AP2A2: variants seen among roughly 807,000 people sequenced by gnomAD.
AP2A2 encodes the protein adaptor related protein complex 2 subunit alpha 2.
A neutral mutation model predicts 104.2 loss-of-function variants in AP2A2; 32 were observed. The ratio of observed to expected loss-of-function variants is 0.31; its 90% CI spans 0.23 to 0.41. The LOEUF is 0.41. Among genes scored for constraint, AP2A2 ranks in the 10% least tolerant of loss-of-function variants. The pLI is 1.00. For synonymous variants in AP2A2, 539 were observed against 533.3 expected, an observed-to-expected ratio of 1.01 and a Z score of -0.15; for missense variants, 912 against 1,261.0, an observed-to-expected ratio of 0.72 and a Z score of 4.19.
At chr11:988,766 G>A (rs895683923) in intron 10 of AP2A2, 77 bp downstream of exon 10, 73 of 1,550,520 alleles carry the variant, frequency 4.7e-5, no homozygotes, top group Non-Finnish European at 6.1e-5. Context: ...CGTGCTCTGC[G>A]ATTCCGTCCA....
chr11:956,536 T>C (rs1854240231), intron 1 of AP2A2, among the ~76,000 whole-genome samples: 1 of 152,208 alleles, frequency 6.6e-6, no homozygotes, highest in African/African-American at 2.4e-5. Context: ...TGATGAATAA[T>C]TGTATTTTGA....
In AP2A2 at chr11:981,180, G is replaced by A. The variant is rs749655595; in HGVS notation, c.604-18G>A. ...TAGCTTCAAGTGTTCTGACTCTTGT[G>A]TGTGTGTTTTCTTTCAGGGTGTGGT... On this transcript the variant is annotated intron_variant, in intron 5 of 21. Coordinates refer to ENST00000448903, the MANE Select transcript of AP2A2 (RefSeq NM_012305.4). 34 of 1,597,462 alleles carry A rather than the reference G, an allele frequency of 2.1e-5. No homozygotes were observed. The highest frequency in any genetic ancestry group is 1.5e-4 in the Admixed American group (9 of 58,380).
chr11:1,003,818 T>G lies in AP2A2; in HGVS notation c.2206+14T>G. The G allele has an allele frequency of 1.3e-6, 2 of 1,542,396 alleles. No homozygotes were observed. Among genetic ancestry groups the G allele is most frequent in the South Asian group, 2.3e-5 (2 of 85,164 alleles). On this transcript the variant is annotated intron_variant, in intron 16 of 21. Transcript: ENST00000448903. ...GGCAGAATTTAGGTATGTGTTTTAA[T>G]TACTTAATGAAACTGTCTCTTAGAA...
chr11:961,522 A>G (rs369943941), intron 2 of AP2A2, among the ~76,000 whole-genome samples: 26 of 132,890 alleles, frequency 2.0e-4, no homozygotes, highest in South Asian at 2.6e-4. Context: ...GACAGTCGCC[A>G]CCACCAGTGA....
At position 1,003,725 on chromosome 11, in the gene AP2A2, T is replaced by C. The variant is rs750391978; in HGVS notation, c.2127T>C (p.Phe709=). Residue 709 remains phenylalanine, a synonymous_variant, in exon 16 of 22, where the codon TTT becomes TTC. Coordinates refer to ENST00000448903, the MANE Select transcript of AP2A2 (RefSeq NM_012305.4). ...TATACTGTCCCTTTTCCCCTAGGTTTGTTTGTAAAAACAATGGTGTGTTGT... is the reference window on the plus strand; with the variant it reads ...TATACTGTCCCTTTTCCCCTAGGTTCGTTTGTAAAAACAATGGTGTGTTGT... ...APGSEDNFAR[F]VCKNNGVLFE... 52 of 1,600,540 alleles carry C rather than the reference T, an allele frequency of 3.2e-5. No individual in the cohort carries two copies. Among genetic ancestry groups the C allele is most frequent in the Non-Finnish European group, 4.4e-5 (52 of 1,173,810 alleles).
At chr11:967,454 C>T (rs1024132804) in intron 2 of AP2A2, among the ~76,000 whole-genome samples, 6 of 151,950 alleles carry the variant, frequency 3.9e-5, no homozygotes, top group East Asian at 3.9e-4. Context: ...CTCTGCCTCC[C>T]GGGTTCATGC....
At chr11:926,882 A>T (rs1261216993) in intron 1 of AP2A2, among the ~76,000 whole-genome samples, 2 of 152,092 alleles carry the variant, frequency 1.3e-5, no homozygotes, top group African/African-American at 4.8e-5. Context: ...GCCTGTTAGA[A>T]GGATGTGCAG....
chr11:957,962 C>T (rs1179816446), intron 1 of AP2A2, among the ~76,000 whole-genome samples: 5 of 152,240 alleles, frequency 3.3e-5, no homozygotes, highest in Admixed American at 6.5e-5. Flanking sequence ...TGGATATTTA[C>T]GGAACAAATG....
intron 21 of AP2A2, 43 bp from the exon 22 acceptor site, chr11:1,010,505 G>C (rs1423896918): frequency 4.0e-6 from 6 of 1,508,950 alleles, no homozygotes; most frequent in Non-Finnish European, 5.4e-6. Flanking sequence ...AGGGCTGTGT[G>C]AGCCTCGGCG....
At chr11:932,595 T>G in intron 1 of AP2A2, 1 of 407,922 alleles carries the variant, frequency 2.5e-6, no homozygotes, top group Non-Finnish European at 4.9e-6. Context: ...GCATGTCTTC[T>G]TTTGCATGCT....
chr11:930,672 C>T (rs1853262604), intron 1 of AP2A2, among the ~76,000 whole-genome samples: 1 of 152,118 alleles, frequency 6.6e-6, no homozygotes. Flanking sequence ...AGGTGCACGC[C>T]ACCACGCCCG....
intron 1 of AP2A2, chr11:957,043 A>G (rs1284057344): frequency 6.6e-6 from 1 of 152,238 alleles, no homozygotes; most frequent in Non-Finnish European, 1.5e-5. Flanking sequence ...GTTAGCCTCA[A>G]GCCTCAGGTT....
In AP2A2 at chr11:1,011,692, AAC is replaced by A; in HGVS notation, c.*1072_*1073del. The stretch of plus-strand genomic sequence containing the variant: ...CAGGATGGTGGCCTTGTTTGTCCTA[AAC>A]ACACCCAGCACAGGTTCTGGCTTCC... On this transcript the variant is annotated 3_prime_UTR_variant, in exon 22 of 22. Transcript: ENST00000448903. 2.9e-6 allele frequency: 1 copy of A among 348,022 alleles called. No individual in the cohort carries two copies. The highest frequency in any genetic ancestry group is 2.1e-5 in the South Asian group (1 of 47,280). The allele number at this position is 348,022 out of a possible 1,614,324, so 21.6% of individuals were successfully genotyped here.
chr11:971,167 G>A (rs551790254), intron 3 of AP2A2, among the ~76,000 whole-genome samples: 13 of 152,302 alleles, frequency 8.5e-5, no homozygotes, highest in African/African-American at 3.1e-4. Flanking sequence ...CACAGGGACT[G>A]GAACTTGGGC....
Position 1,009,077 on chromosome 11 carries a change from TCTGCTG to T in AP2A2, c.2421-10_2421-5del, listed in dbSNP as rs763435927. The T allele has an allele frequency of 2.5e-6, 4 of 1,579,402 alleles. No individual in the cohort carries two copies. The highest frequency in any genetic ancestry group is 2.7e-5 in the African/African-American group (2 of 74,286). On this transcript the variant is annotated splice_polypyrimidine_tract_variant and intron_variant, in intron 18 of 21. Transcript: ENST00000448903. ...TCAGAGGAGTAGCTGACTGTCTCTT[TCTGCTG>T]CTGCTGCTGCTGGCAGGTATGGGGG...
intron 5 of AP2A2, among the ~76,000 whole-genome samples, chr11:979,533 C>A (rs1362504739): frequency 6.6e-6 from 1 of 151,996 alleles, no homozygotes; most frequent in Non-Finnish European, 1.5e-5. Flanking sequence ...TGGCACAGGG[C>A]GAGTGGTGGG....
intron 9 of AP2A2, 71 bp downstream of exon 9, chr11:987,024 G>C: frequency 2.0e-6 from 3 of 1,495,636 alleles, no homozygotes; most frequent in Non-Finnish European, 2.7e-6. Context: ...GAAGGCTGGG[G>C]GTACGCAGTG....
chr11:987,898 G>A (rs1268619617), intron 9 of AP2A2, among the ~76,000 whole-genome samples: 13 of 152,382 alleles, frequency 8.5e-5, no homozygotes, highest in African/African-American at 3.1e-4. Flanking sequence ...ACGTCTGCGT[G>A]CAGCTCACAG....
In AP2A2 at chr11:988,511, C is replaced by T; in HGVS notation, c.1132-41C>T. 1.9e-6 allele frequency: 3 copies of T among 1,596,588 alleles called. 1 individual carries two copies. In the South Asian group the frequency reaches 3.3e-5, roughly 18 times the overall value. Reference sequence around the variant, plus strand: ...TCCCCAGCCTGTCCCCAAGCTTGTGCCTTGCTCCTGCGACCTCTTACTCTG... The same window carrying T: ...TCCCCAGCCTGTCCCCAAGCTTGTGTCTTGCTCCTGCGACCTCTTACTCTG... On this transcript the variant is annotated intron_variant, in intron 9 of 21. Coordinates refer to ENST00000448903, the MANE Select transcript of AP2A2 (RefSeq NM_012305.4).
Sources: gnomAD v4.1 joint callset for allele counts (sites outside exome capture counted in the v4.1 genomes callset) on GRCh38, gnomAD v4.1.1 for gene constraint, MANE v1.5 for transcripts, NCBI Gene and HGNC (gene_info 2026-07-23, HGNC 2026-07-21) for gene names.